Variants in SYNPO2 observed in about 807,000 individuals in gnomAD.
SYNPO2 encodes synaptopodin 2.
Under a neutral mutation model 85.0 loss-of-function variants are expected in SYNPO2, and 56 were observed. That is an observed-to-expected ratio of 0.66 (90% CI 0.53 to 0.82). The LOEUF is 0.82. SYNPO2 is among the 40% of genes least tolerant of loss of function. The pLI is 0.00. For synonymous variants in SYNPO2, 602 were observed against 591.1 expected (o/e 1.02, Z -0.27); for missense variants, 1,575 against 1,534.2 (o/e 1.03, Z -0.44).
At chr4:119,034,754 G>T (rs773262707) in intron 4 of SYNPO2, 2 of 985,550 alleles carry the variant, frequency 2.0e-6, no homozygotes, top group Non-Finnish European at 2.4e-6. Context: ...TTCCCTGTCT[G>T]CCCACCAGGG....
chr4:119,055,157 A>ATTT (rs60067505), intron 4 of SYNPO2, among the ~76,000 whole-genome samples: 7 of 129,446 alleles, frequency 5.4e-5, no homozygotes, highest in African/African-American at 2.6e-4. Context: ...TTATTTATTT[A>ATTT]TTTTTTTTTT....
chr4:118,926,184 A>G (rs736692), intron 1 of SYNPO2, among the ~76,000 whole-genome samples: 35,521 of 152,088 alleles, frequency 0.23, 4,781 homozygotes, highest in African/African-American at 0.38. Flanking sequence ...GAGGTGTGCT[A>G]GAGAGGCAGG....
intron 1 of SYNPO2, among the ~76,000 whole-genome samples, chr4:118,977,123 G>T (rs11098468): frequency 5.9e-5 from 9 of 151,486 alleles, no homozygotes; most frequent in Admixed American, 1.3e-4. Context: ...AGGGAGGCTC[G>T]GGCCGCACAG....
chr4:119,045,276 A>G (rs1415117329), intron 4 of SYNPO2, among the ~76,000 whole-genome samples: 2 of 152,218 alleles, frequency 1.3e-5, no homozygotes, highest in Non-Finnish European at 2.9e-5. Context: ...ACCATGTGCC[A>G]GGTACCAACA....
intron 1 of SYNPO2, among the ~76,000 whole-genome samples, chr4:118,852,456 CATAGA>C (rs1218564577): frequency 2.6e-5 from 4 of 152,148 alleles, no homozygotes; most frequent in Non-Finnish European, 5.9e-5. Flanking sequence ...ATAGCAAAGA[CATAGA>C]ATCAACCTAA....
chr4:118,913,563 TTGTGTGTGTGTG>T (rs10686830), intron 1 of SYNPO2, among the ~76,000 whole-genome samples: 4 of 147,272 alleles, frequency 2.7e-5, no homozygotes, highest in Admixed American at 6.8e-5. Context: ...CATTTATTGT[TTGTGTGTGTGTG>T]TGTGTGTGTG....
At chr4:118,937,440 G>C (rs757404132) in intron 1 of SYNPO2, among the ~76,000 whole-genome samples, 8 of 152,096 alleles carry the variant, frequency 5.3e-5, no homozygotes, top group Admixed American at 1.3e-4. Flanking sequence ...GCTCATTTTA[G>C]GACCCCATGT....
intron 1 of SYNPO2, among the ~76,000 whole-genome samples, chr4:118,952,812 A>G (rs1311305415): frequency 1.3e-5 from 2 of 152,174 alleles, no homozygotes; most frequent in African/African-American, 4.8e-5. Flanking sequence ...TAAGAGCTTT[A>G]TGCATCAGAC....
chr4:119,017,978 A>G (rs751602606), intron 1 of SYNPO2, among the ~76,000 whole-genome samples: 19 of 152,194 alleles, frequency 1.2e-4, no homozygotes, highest in Non-Finnish European at 2.8e-4. Flanking sequence ...AACACAAGAG[A>G]AAAACGAGGT....
intron 4 of SYNPO2, among the ~76,000 whole-genome samples, chr4:119,053,375 G>C (rs1008128161): frequency 2.6e-5 from 4 of 152,148 alleles, no homozygotes; most frequent in Admixed American, 2.0e-4. Context: ...AACCTAAAAT[G>C]GTTTATCATC....
chr4:118,877,351 T>C (rs1454654696), intron 1 of SYNPO2, among the ~76,000 whole-genome samples: 1 of 151,820 alleles, frequency 6.6e-6, no homozygotes, highest in Non-Finnish European at 1.5e-5. Context: ...AAAACAGAAA[T>C]TGACAAACGG....
intron 4 of SYNPO2, chr4:119,033,366 C>T (rs574918263): frequency 2.7e-5 from 27 of 985,358 alleles, no homozygotes; most frequent in Admixed American, 6.1e-5. Flanking sequence ...GGCAAGGTTA[C>T]CTTGTAAACT....
intron 4 of SYNPO2, among the ~76,000 whole-genome samples, chr4:119,047,339 G>A (rs1474190954): frequency 2.6e-5 from 4 of 152,346 alleles, no homozygotes; most frequent in African/African-American, 7.2e-5. Context: ...GATTACAGGC[G>A]TAAGCCACTG....
intron 1 of SYNPO2, among the ~76,000 whole-genome samples, chr4:119,002,947 T>C (rs1736878578): frequency 6.6e-6 from 1 of 152,222 alleles, no homozygotes; most frequent in African/African-American, 2.4e-5. Flanking sequence ...TTTTCTTGAA[T>C]TATTTGATGA....
At chr4:119,026,574 G>A (rs1737951791) in intron 2 of SYNPO2, 53 bp from the exon 3 acceptor site, 3 of 1,504,776 alleles carry the variant, frequency 2.0e-6, no homozygotes, top group Non-Finnish European at 2.7e-6. Context: ...AAGTTCTTTG[G>A]CAGATGTAAC....
At chr4:118,977,395 C>G (rs899708388) in intron 1 of SYNPO2, among the ~76,000 whole-genome samples, 3 of 152,236 alleles carry the variant, frequency 2.0e-5, no homozygotes, top group Admixed American at 6.5e-5. Flanking sequence ...GGCCCGCAAG[C>G]GCGGCACGCA....
At chr4:119,029,031 A>G (rs2045547) in intron 3 of SYNPO2, among the ~76,000 whole-genome samples, 29,526 of 151,920 alleles carry the variant, frequency 0.19, 3,546 homozygotes, top group East Asian at 0.43. Context: ...TTACACAGTT[A>G]AGTGGGTCAC....
chr4:119,048,941 A>C (rs1738954209), intron 4 of SYNPO2, among the ~76,000 whole-genome samples: 1 of 152,204 alleles, frequency 6.6e-6, no homozygotes, highest in African/African-American at 2.4e-5. Flanking sequence ...CTTGAGTTTT[A>C]ACTGGGTAGT....
At chr4:119,012,070 C>A (rs1450806642) in intron 1 of SYNPO2, among the ~76,000 whole-genome samples, 1 of 151,978 alleles carries the variant, frequency 6.6e-6, no homozygotes, top group Non-Finnish European at 1.5e-5. Context: ...TTACAGGTAC[C>A]TGCCACCACG....
Sources: allele counts gnomAD v4.1 joint callset (sites outside exome capture counted in the v4.1 genomes callset), GRCh38; gene constraint gnomAD v4.1.1; transcripts MANE v1.5; gene names NCBI Gene and HGNC (gene_info 2026-07-23, HGNC 2026-07-21).